ATP6V0A1: variants seen among roughly 807,000 people sequenced by gnomAD.
ATP6V0A1 encodes the protein V-type proton ATPase 116 kDa subunit a 1.
In ATP6V0A1, 43 loss-of-function variants were observed where a neutral mutation model predicts 105.4. That is an observed-to-expected ratio of 0.41 (90% CI 0.32 to 0.53). The LOEUF is 0.53. ATP6V0A1 is among the 20% of genes least tolerant of loss of function. The probability of loss-of-function intolerance (pLI) is 0.30; values close to 1 mark genes in which losing one functional copy is unlikely to be tolerated. For missense variants in ATP6V0A1, 676 were observed against 1,051.1 expected (o/e 0.64, Z 4.93); for synonymous variants, 362 against 372.8 (o/e 0.97, Z 0.33).
chr17:42,512,834 C>T (rs866767771), intron 19 of ATP6V0A1, among the ~76,000 whole-genome samples: 7 of 152,210 alleles, frequency 4.6e-5, no homozygotes, highest in East Asian at 1.9e-4. Context: ...GGGCAGGGGC[C>T]GATGGGGAGG....
intron 11 of ATP6V0A1, 139 bp from the exon 12 acceptor site, chr17:42,494,195 A>AT (rs1245684341): frequency 2.4e-6 from 2 of 831,178 alleles, no homozygotes; most frequent in African/African-American, 3.5e-5. Flanking sequence ...GTGAGCCAAG[A>AT]TTGAGACATT....
At chr17:42,469,738 G>A (rs1419105197) in intron 4 of ATP6V0A1, among the ~76,000 whole-genome samples, 1 of 151,990 alleles carries the variant, frequency 6.6e-6, no homozygotes, top group Middle Eastern at 3.2e-3. Flanking sequence ...CACCTCCCGG[G>A]TTCAAGTGAT....
rs1598781970 is a variant in ATP6V0A1, at chr17:42,476,668, T to A, written c.424-992T>A. Among the ~76,000 whole-genome samples, 3 of 152,206 alleles carry A rather than the reference T, an allele frequency of 2.0e-5. No individual in the cohort carries two copies. The East Asian group carries it at 5.8e-4, about 29-fold the overall frequency. On this transcript the variant is annotated intron_variant, in intron 5 of 21. Transcript: ENST00000343619. Reference sequence around the variant, plus strand: ...GTAAAGGGTGGTAGGATGAGTTCGGTAGAGAGAGGCTAGGAAATGTAGACC... The same window carrying A: ...GTAAAGGGTGGTAGGATGAGTTCGGAAGAGAGAGGCTAGGAAATGTAGACC...
At chr17:42,468,983 C>T (rs1187891966) in intron 4 of ATP6V0A1, among the ~76,000 whole-genome samples, 3 of 151,916 alleles carry the variant, frequency 2.0e-5, no homozygotes, top group Non-Finnish European at 2.9e-5. Context: ...GTAGCTGAGA[C>T]GATAGCTGTG....
In ATP6V0A1 at chr17:42,497,676, G is replaced by GA. The variant is rs548693526; in HGVS notation, c.1561-1234dup. Among the ~76,000 whole-genome samples, 1,960 of 104,732 alleles carry GA rather than the reference G, an allele frequency of 0.019. 82 individuals carry two copies. In the East Asian group the frequency reaches 0.19, roughly 10 times the overall value. 68.7% of individuals were successfully genotyped at this position (104,732 alleles called of 152,430 possible). On this transcript the variant is annotated intron_variant, in intron 14 of 21. Coordinates refer to ENST00000343619, the MANE Select transcript of ATP6V0A1 (RefSeq NM_001130021.3). ...CGACAGAGTAAGACTCCATCTAAAAGAAAAAAAAAAAAAAGAAATCATTGT... is the reference window on the plus strand; with the variant it reads ...CGACAGAGTAAGACTCCATCTAAAAGAAAAAAAAAAAAAAAGAAATCATTGT...
intron 8 of ATP6V0A1, among the ~76,000 whole-genome samples, chr17:42,481,680 TAAAAAAC>T (rs1050435953): frequency 1.7e-4 from 26 of 151,892 alleles, no homozygotes; most frequent in African/African-American, 6.3e-4. Flanking sequence ...CCCATGTCTA[TAAAAAAC>T]TAAAAACTGA....
chr17:42,478,266 C>T (rs572670628), intron 6 of ATP6V0A1, among the ~76,000 whole-genome samples, 197 bp from the exon 7 acceptor site: 38 of 151,400 alleles, frequency 2.5e-4, no homozygotes, highest in African/African-American at 7.0e-4. Flanking sequence ...ATGTAAATGA[C>T]GAGTTAATGG....
chr17:42,514,141 C>T (rs761206248), intron 20 of ATP6V0A1, 148 bp from the exon 21 acceptor site: 1 of 1,272,374 alleles, frequency 7.9e-7, no homozygotes, highest in Non-Finnish European at 1.1e-6. Context: ...AGCACTTGTG[C>T]CAGGTTAGCT....
chr17:42,507,749 C>G, intron 18 of ATP6V0A1, 122 bp downstream of exon 18: 1 of 863,310 alleles, frequency 1.2e-6, no homozygotes, highest in Non-Finnish European at 1.9e-6. Context: ...AATATTCAGC[C>G]TGCCTTCTGG....
rs769264401 is a variant in ATP6V0A1 at position 42,508,583 on chromosome 17, C to T, written c.2124C>T (p.Asp708=). Residue 708 remains aspartate (D), a synonymous_variant, in exon 19 of 22, where the codon GAC becomes GAT. Coordinates refer to ENST00000343619, the MANE Select transcript of ATP6V0A1 (RefSeq NM_001130021.3). ...HSEDADEPSE[D]EVFDFGDTMV... ...TTTGTGTTTTCAAGCCTTCCGAGGA[C>T]GAAGTGGTAAGATGAAAGCTGGCGT... 3.5e-5 allele frequency: 56 copies of T among 1,613,838 alleles called. No homozygotes were observed. The highest frequency in any genetic ancestry group is 5.0e-5 in the Admixed American group (3 of 59,986).
intron 7 of ATP6V0A1, 165 bp from the exon 8 acceptor site, chr17:42,480,502 G>A (rs2089354256): frequency 3.5e-6 from 2 of 567,164 alleles, no homozygotes; most frequent in African/African-American, 3.8e-5. Context: ...AGATGTTCTT[G>A]TAGTGAAGCT....
At chr17:42,493,154 C>CT (rs571065993) in intron 11 of ATP6V0A1, among the ~76,000 whole-genome samples, 22 of 151,232 alleles carry the variant, frequency 1.5e-4, no homozygotes, top group South Asian at 8.4e-4. Context: ...TTTTAAATGG[C>CT]TTTTTTTTTG....
chr17:42,467,361 T>G (rs1179858489), intron 3 of ATP6V0A1, among the ~76,000 whole-genome samples: 1 of 152,192 alleles, frequency 6.6e-6, no homozygotes, highest in Non-Finnish European at 1.5e-5. Context: ...CAGGTTGCTC[T>G]CTCTGGCTCA....
At chr17:42,482,270 A>T (rs953708180) in intron 8 of ATP6V0A1, among the ~76,000 whole-genome samples, 2 of 151,978 alleles carry the variant, frequency 1.3e-5, no homozygotes, top group African/African-American at 4.8e-5. Flanking sequence ...CCGCAGCCCC[A>T]TGAGTAACTG....
intron 17 of ATP6V0A1, among the ~76,000 whole-genome samples, chr17:42,502,505 C>G (rs2091755074): frequency 6.6e-6 from 1 of 152,138 alleles, no homozygotes. Context: ...CGCACACACA[C>G]ACACACACAC....
At chr17:42,503,896 G>A (rs1438689443) in intron 17 of ATP6V0A1, among the ~76,000 whole-genome samples, 1 of 152,220 alleles carries the variant, frequency 6.6e-6, no homozygotes, top group Non-Finnish European at 1.5e-5. Context: ...GGACTTCCCT[G>A]TGAGACATTT....
intron 21 of ATP6V0A1, among the ~76,000 whole-genome samples, chr17:42,517,238 C>T (rs2092665990): frequency 6.6e-6 from 1 of 152,088 alleles, no homozygotes; most frequent in South Asian, 2.1e-4. Flanking sequence ...CAAGATCGCG[C>T]CACTGCACTG....
chr17:42,512,977 T>A (rs1351460657), intron 19 of ATP6V0A1, among the ~76,000 whole-genome samples: 1 of 152,206 alleles, frequency 6.6e-6, no homozygotes, highest in African/African-American at 2.4e-5. Context: ...TACCTGGGGC[T>A]TCCAGAATAT....
intron 2 of ATP6V0A1, among the ~76,000 whole-genome samples, chr17:42,463,822 C>T (rs553706351): frequency 1.4e-4 from 21 of 152,032 alleles, no homozygotes; most frequent in South Asian, 4.1e-4. Context: ...CATAAACAGT[C>T]GATTAATACA....
Sources: allele counts gnomAD v4.1 joint callset (sites outside exome capture counted in the v4.1 genomes callset), GRCh38; gene constraint gnomAD v4.1.1; transcripts MANE v1.5; gene names NCBI Gene and HGNC (gene_info 2026-07-23, HGNC 2026-07-21).